Variants in PKHD1 observed in about 807,000 individuals in gnomAD.
PKHD1 encodes PKHD1 ciliary IPT domain containing fibrocystin/polyductin.
PKHD1 carries 291 observed loss-of-function variants against 412.0 expected under a neutral mutation model. That is an observed-to-expected ratio of 0.71 (90% confidence interval 0.64 to 0.78). PKHD1 has a LOEUF of 0.78. PKHD1 is among the 30% of genes least tolerant of loss of function. PKHD1 has a pLI of 0.00. For synonymous variants in PKHD1, 1,777 were observed against 1,821.5 expected (o/e 0.98, Z 0.62); for missense variants, 4,825 against 4,950.7 (o/e 0.97, Z 0.76).
intron 55 of PKHD1, among the ~76,000 whole-genome samples, chr6:51,757,863 T>G (rs1282824403): frequency 6.6e-6 from 1 of 151,546 alleles, no homozygotes; most frequent in East Asian, 1.9e-4. Context: ...AAAAAAAATG[T>G]AGCCTAGCAT....
In PKHD1 at chr6:51,847,840, G is replaced by A; in HGVS notation, c.8042C>T (p.Ser2681Leu). 1 of 1,614,046 alleles carries A rather than the reference G, an allele frequency of 6.2e-7. No homozygotes were observed. Among genetic ancestry groups the A allele is most frequent in the Non-Finnish European group, 8.5e-7 (1 of 1,179,886 alleles). ...GTCACAGCCTTGGTTCTGACCTGGTGATGGAAGAAATGGAAAAGACAGACC... is the reference window on the plus strand; with the variant it reads ...GTCACAGCCTTGGTTCTGACCTGGTAATGGAAGAAATGGAAAAGACAGACC... ...RVGLSFPFLP[S>L]PGQNQGCDWF... Residue 2681 changes from serine to leucine, a missense_variant, in exon 50 of 67, where the codon TCA (serine) becomes TTA (leucine). Ser to Leu is a moderately radical substitution (Grantham distance 145). Coordinates refer to ENST00000371117, the MANE Select transcript of PKHD1 (RefSeq NM_138694.4).
chr6:51,750,565 G>A (rs771745929), intron 57 of PKHD1, among the ~76,000 whole-genome samples: 4 of 152,062 alleles, frequency 2.6e-5, no homozygotes, highest in Admixed American at 6.6e-5. Context: ...CTCCCCGGGT[G>A]CGCCACCTTA....
At chr6:51,873,857 G>A in intron 46 of PKHD1, among the ~76,000 whole-genome samples, 1 of 151,914 alleles carries the variant, frequency 6.6e-6, no homozygotes. Flanking sequence ...AATCAAAATA[G>A]AAAAGAAGAA....
chr6:52,040,893 T>C (rs1373122436), intron 27 of PKHD1, among the ~76,000 whole-genome samples: 2 of 152,222 alleles, frequency 1.3e-5, no homozygotes, highest in Admixed American at 1.3e-4. Flanking sequence ...AGAGGATTTG[T>C]TTTTATTTAC....
At chr6:52,020,761 C>A (rs1801280905) in intron 33 of PKHD1, among the ~76,000 whole-genome samples, 2 of 152,162 alleles carry the variant, frequency 1.3e-5, no homozygotes, top group African/African-American at 2.4e-5. Context: ...GGGAAATTCT[C>A]CCCTGAAAAA....
chr6:52,055,876 A>T, intron 18 of PKHD1, 147 bp from the exon 19 acceptor site: 1 of 748,318 alleles, frequency 1.3e-6, no homozygotes, highest in Non-Finnish European at 2.2e-6. Flanking sequence ...TTGAGTAAGT[A>T]ACTCAACCTC....
chr6:51,720,067 C>T (rs1781725002), intron 60 of PKHD1, among the ~76,000 whole-genome samples: 1 of 152,172 alleles, frequency 6.6e-6, no homozygotes, highest in East Asian at 1.9e-4. Flanking sequence ...GGGCACATTG[C>T]AAAATGGCAA....
At chr6:52,077,200 G>A (rs995046100) in intron 5 of PKHD1, among the ~76,000 whole-genome samples, 5 of 152,168 alleles carry the variant, frequency 3.3e-5, no homozygotes, top group Admixed American at 2.6e-4. Context: ...ATACTGCCTG[G>A]AAGGAGAGGT....
intron 60 of PKHD1, among the ~76,000 whole-genome samples, chr6:51,684,483 C>G (rs1388511682): frequency 6.6e-6 from 1 of 151,958 alleles, no homozygotes; most frequent in Non-Finnish European, 1.5e-5. Context: ...AGTTTAGAAG[C>G]AAAAGGAAGA....
chr6:51,984,933 C>A (rs545001237), intron 35 of PKHD1, among the ~76,000 whole-genome samples: 1 of 151,878 alleles, frequency 6.6e-6, no homozygotes, highest in East Asian at 1.9e-4. Flanking sequence ...TCAGACATTA[C>A]AACTAGAGAA....
chr6:52,037,516 A>G (rs1038909792), intron 27 of PKHD1, among the ~76,000 whole-genome samples: 1 of 152,220 alleles, frequency 6.6e-6, no homozygotes, highest in African/African-American at 2.4e-5. Flanking sequence ...ATTAGAAAAA[A>G]TGGGCTAAGG....
intron 57 of PKHD1, among the ~76,000 whole-genome samples, 171 bp downstream of exon 57, chr6:51,753,030 A>G (rs549141599): frequency 6.6e-6 from 1 of 152,348 alleles, no homozygotes; most frequent in East Asian, 1.9e-4. Flanking sequence ...CATCACACTG[A>G]TAATTAAGCA....
intron 52 of PKHD1, among the ~76,000 whole-genome samples, chr6:51,811,870 G>A (rs1021717905): frequency 5.9e-5 from 9 of 152,096 alleles, no homozygotes; most frequent in African/African-American, 2.2e-4. Context: ...GGGCTAAATG[G>A]TTCTTGATAT....
intron 43 of PKHD1, among the ~76,000 whole-genome samples, chr6:51,897,837 A>G (rs1438450406): frequency 6.7e-6 from 1 of 149,126 alleles, no homozygotes; most frequent in Non-Finnish European, 1.5e-5. Context: ...AGCAAATGGA[A>G]AACAAAAAAA....
intron 18 of PKHD1, 69 bp from the exon 19 acceptor site, chr6:52,055,798 T>G (rs1013308240): frequency 2.0e-6 from 3 of 1,519,494 alleles, no homozygotes; most frequent in Admixed American, 3.5e-5. Flanking sequence ...TCCCTACATG[T>G]GTGCATGAGG....
rs188213713 is a variant in PKHD1 at position 51,863,129 on chromosome 6, C to T, written c.7733+4734G>A. On this transcript the variant is annotated intron_variant, in intron 48 of 66. Coordinates refer to ENST00000371117, the MANE Select transcript of PKHD1 (RefSeq NM_138694.4). ...GTGATGAAAGAACTGAAACAAAAAG[C>T]GGTAAAGTAACTTGTGCAAAGAAAT... Among the ~76,000 whole-genome samples, 321 of 152,170 alleles carry T rather than the reference C, an allele frequency of 2.1e-3. 1 individual carries two copies. The highest frequency in any genetic ancestry group is 3.9e-3 in the Non-Finnish European group (267 of 67,992).
intron 2 of PKHD1, 144 bp from the exon 3 acceptor site, chr6:52,083,399 G>A (rs45567239): frequency 1.4e-6 from 1 of 702,964 alleles, no homozygotes; most frequent in Non-Finnish European, 2.6e-6. Flanking sequence ...CATCCCCAGA[G>A]TTTCTGGTTC....
At position 52,065,005 on chromosome 6, in the gene PKHD1, C is replaced by G. The variant is rs1351637115; in HGVS notation, c.926G>C (p.Cys309Ser). The G allele has an allele frequency of 5.0e-6, 8 of 1,603,212 alleles. No individual in the cohort carries two copies. Among genetic ancestry groups the G allele is most frequent in the Non-Finnish European group, 6.8e-6 (8 of 1,175,758 alleles). ...ATCTTTTCCTGGAGCCCGAGTGGTG[C>G]ACTCAATCTTCCTGGGAGACACGTG... ...IRHVSPRKIE[C>S]TTRAPGKDVR... is the part of the protein sequence containing the mutation. Residue 309 changes from cysteine (C) to serine (S), a missense_variant, in exon 13 of 67, where the codon TGC (cysteine) becomes TCC (serine). Cys to Ser is a moderately radical substitution (Grantham distance 112). Transcript: ENST00000371117.
At chr6:51,896,113 G>C (rs962362101) in intron 43 of PKHD1, among the ~76,000 whole-genome samples, 6 of 152,198 alleles carry the variant, frequency 3.9e-5, no homozygotes, top group African/African-American at 1.4e-4. Flanking sequence ...CATTGCCCAG[G>C]CTCGCTTAGG....
Sources: gnomAD v4.1 joint callset for allele counts (sites outside exome capture counted in the v4.1 genomes callset) on GRCh38, gnomAD v4.1.1 for gene constraint, MANE v1.5 for transcripts, NCBI Gene and HGNC (gene_info 2026-07-23, HGNC 2026-07-21) for gene names.